AGAP1: variants seen among roughly 807,000 people sequenced by gnomAD.
AGAP1 encodes the protein arf-GAP with GTPase, ANK repeat and PH domain-containing protein 1.
In AGAP1, 29 loss-of-function variants were observed where a neutral mutation model predicts 105.3. That is an observed-to-expected ratio of 0.28 (90% CI 0.21 to 0.38). The LOEUF (loss-of-function observed/expected upper bound fraction) is 0.38, where lower values mean the gene tolerates loss of function less well. AGAP1 is among the 10% of genes least tolerant of loss of function. The pLI, the probability that AGAP1 is intolerant of heterozygous loss-of-function variation, is 1.00. For synonymous variants in AGAP1, 509 were observed against 485.9 expected, an observed-to-expected ratio of 1.05 and a Z score of -0.63; for missense variants, 998 against 1,165.1, an observed-to-expected ratio of 0.86 and a Z score of 2.09.
intron 11 of AGAP1, among the ~76,000 whole-genome samples, chr2:235,926,081 A>G (rs529540221): frequency 6.6e-6 from 1 of 152,354 alleles, no homozygotes; most frequent in Admixed American, 6.5e-5. Flanking sequence ...TAGGGCAGGT[A>G]TTGCTTGATG....
Position 235,678,429 on chromosome 2 carries a change from T to C in AGAP1, c.164-30750T>C, listed in dbSNP as rs113480480. ...AAACTTAAAGGAAAAAGATTGGGGC[T>C]CAGAATTAGGAAGTAATTTCTCACA... On this transcript the variant is annotated intron_variant, in intron 1 of 17. Transcript: ENST00000304032. Among the ~76,000 whole-genome samples, 651 of 152,260 alleles carry C rather than the reference T, an allele frequency of 4.3e-3. 6 individuals carry two copies. Among genetic ancestry groups the C allele is most frequent in the African/African-American group, 0.015 (610 of 41,540 alleles).
intron 1 of AGAP1, among the ~76,000 whole-genome samples, chr2:235,626,575 A>AT (rs1946644951): frequency 6.6e-6 from 1 of 152,106 alleles, no homozygotes; most frequent in African/African-American, 2.4e-5. Flanking sequence ...TTTATAAGTG[A>AT]TTTTTTTCCC....
chr2:235,536,666 CACACACACACA>C (rs1559231744), intron 1 of AGAP1, among the ~76,000 whole-genome samples: 143 of 150,886 alleles, frequency 9.5e-4, no homozygotes, highest in Middle Eastern at 3.7e-3. Context: ...CACACACACA[CACACACACACA>C]CCCCTTGCTT....
chr2:235,781,125 A>G (rs1956235641), intron 6 of AGAP1, among the ~76,000 whole-genome samples: 1 of 152,192 alleles, frequency 6.6e-6, no homozygotes, highest in Non-Finnish European at 1.5e-5. Flanking sequence ...GTCTAAAGTA[A>G]TCTTACAGAC....
In AGAP1 at chr2:236,055,069, T is replaced by C. The variant is rs2058014684; in HGVS notation, c.2114+5788T>C. On this transcript the variant is annotated intron_variant, in intron 16 of 17. Transcript: ENST00000304032. This position sits in a 1 kb window ranked among gnomAD's most constrained non-coding sequence, Gnocchi z 6.2. Reference sequence around the variant, plus strand: ...GTTAAATATGTCCGGCAGCAATTACTGTGACCTCCCGCTTGTCAAGGTCCG... The same window carrying C: ...GTTAAATATGTCCGGCAGCAATTACCGTGACCTCCCGCTTGTCAAGGTCCG... Among the ~76,000 whole-genome samples, 1 of 152,258 alleles carries C rather than the reference T, an allele frequency of 6.6e-6. No individual in the cohort carries two copies. Among genetic ancestry groups the C allele is most frequent in the Non-Finnish European group, 1.5e-5 (1 of 68,052 alleles).
intron 12 of AGAP1, among the ~76,000 whole-genome samples, chr2:235,966,079 T>A (rs2054378813): frequency 8.4e-6 from 1 of 119,138 alleles, no homozygotes; most frequent in Non-Finnish European, 1.7e-5. Context: ...CCTCTGGGGA[T>A]GGAGGAGAGG....
chr2:235,910,268 G>A (rs765374650), intron 11 of AGAP1, among the ~76,000 whole-genome samples: 5 of 152,302 alleles, frequency 3.3e-5, no homozygotes, highest in African/African-American at 7.2e-5. Context: ...GGGTGCTCTT[G>A]CCTGGCCTGC....
chr2:235,511,279 G>C (rs552589964), intron 1 of AGAP1, among the ~76,000 whole-genome samples: 1 of 152,044 alleles, frequency 6.6e-6, no homozygotes, highest in South Asian at 2.1e-4. Context: ...ATTCTGTTTC[G>C]GTGGGAGCTG....
At chr2:235,675,267 G>GC (rs1948673289) in intron 1 of AGAP1, among the ~76,000 whole-genome samples, 1 of 148,726 alleles carries the variant, frequency 6.7e-6, no homozygotes, top group African/African-American at 2.5e-5. Context: ...TCAGCTCACT[G>GC]CAACCTCTGC....
Position 235,663,765 on chromosome 2 carries a change from C to T in AGAP1, c.164-45414C>T, listed in dbSNP as rs986478075. Among the ~76,000 whole-genome samples the T allele has an allele frequency of 6.6e-6, 1 of 152,130 alleles. No homozygotes were observed. The highest frequency in any genetic ancestry group is 2.4e-5 in the African/African-American group (1 of 41,424). On this transcript the variant is annotated intron_variant, in intron 1 of 17. Transcript: ENST00000304032. The surrounding 1 kb of genome is among the most constrained non-coding windows in gnomAD (Gnocchi z 5.4). ...AGGAAGCTCTTAGGAGAATCCAAAT[C>T]CGACTTCCCTGTGCTTTGAGAAGGA...
chr2:235,505,838 C>A (rs1040526821), intron 1 of AGAP1: 1 of 151,638 alleles, frequency 6.6e-6, no homozygotes, highest in Non-Finnish European at 1.5e-5. Flanking sequence ...TGACAGCCCC[C>A]GAGAGCAGGC....
At chr2:235,949,582 G>A (rs138600073) in intron 12 of AGAP1, among the ~76,000 whole-genome samples, 59 of 150,854 alleles carry the variant, frequency 3.9e-4, no homozygotes, top group Middle Eastern at 3.4e-3. Context: ...TAGATTTGCC[G>A]CTTTGGGCAT....
chr2:235,701,107 TTA>T lies in AGAP1; in HGVS notation c.164-8068_164-8067del, dbSNP rs1265460236. Among the ~76,000 whole-genome samples, 1 of 146,870 alleles carries T rather than the reference TTA, an allele frequency of 6.8e-6. No homozygotes were observed. The highest frequency in any genetic ancestry group is 2.5e-5 in the African/African-American group (1 of 40,142). On this transcript the variant is annotated intron_variant, in intron 1 of 17. Coordinates refer to ENST00000304032, the MANE Select transcript of AGAP1 (RefSeq NM_001037131.3). This position sits in a 1 kb window ranked among gnomAD's most constrained non-coding sequence, Gnocchi z 4.1. ...ATATATTATATACTCTATAATATAG[TTA>T]TATGTACATATTATATATTATGTAT... is the stretch of plus-strand genomic sequence containing the variant.
At chr2:235,863,558 T>G (rs1404835454) in intron 9 of AGAP1, among the ~76,000 whole-genome samples, 1 of 152,136 alleles carries the variant, frequency 6.6e-6, no homozygotes, top group Non-Finnish European at 1.5e-5. Context: ...GCCTCCTCTT[T>G]GAGCTAGGGA....
At position 235,879,104 on chromosome 2, in the gene AGAP1, C is replaced by T. The variant is rs2049885798; in HGVS notation, c.1051-4241C>T. ...GAGTGAAGACGGCAGGAGAGCTGGC[C>T]CTGCCACATTCCGTTAGCTAACAAG... On this transcript the variant is annotated intron_variant, in intron 9 of 17. Coordinates refer to ENST00000304032, the MANE Select transcript of AGAP1 (RefSeq NM_001037131.3). This position sits in a 1 kb window ranked among gnomAD's most constrained non-coding sequence, Gnocchi z 5.0. Among the ~76,000 whole-genome samples the T allele has an allele frequency of 6.6e-6, 1 of 152,190 alleles. No homozygotes were observed. The highest frequency in any genetic ancestry group is 1.5e-5 in the Non-Finnish European group (1 of 68,038).
chr2:235,831,049 G>A (rs1220825715), intron 9 of AGAP1, among the ~76,000 whole-genome samples: 1 of 152,100 alleles, frequency 6.6e-6, no homozygotes, highest in Non-Finnish European at 1.5e-5. Context: ...TCACAAGCAT[G>A]ACCCAGGAGC....
chr2:235,681,843 C>CTTTTTTTTTT (rs56934868), intron 1 of AGAP1, among the ~76,000 whole-genome samples: 3 of 78,302 alleles, frequency 3.8e-5, no homozygotes, highest in Non-Finnish European at 2.4e-5. Flanking sequence ...ATTTAGTTTG[C>CTTTTTTTTTT]TTTTTTTTTT....
chr2:236,117,817 T>G (rs1002617144), intron 16 of AGAP1, among the ~76,000 whole-genome samples: 1 of 152,194 alleles, frequency 6.6e-6, no homozygotes, highest in Non-Finnish European at 1.5e-5. Flanking sequence ...CAGAACTGCT[T>G]CTTTTTGTCT....
chr2:236,050,247 G>A lies in AGAP1; in HGVS notation c.2114+966G>A, dbSNP rs73125522. On this transcript the variant is annotated intron_variant, in intron 16 of 17. Coordinates refer to ENST00000304032, the MANE Select transcript of AGAP1 (RefSeq NM_001037131.3). This position sits in a 1 kb window ranked among gnomAD's most constrained non-coding sequence, Gnocchi z 4.0. Reference sequence around the variant, plus strand: ...GCAGAGCAGTAAGAACGTGAGAAGCGTTCGTGGACTTCAGTTCATTAACAC... The same window carrying A: ...GCAGAGCAGTAAGAACGTGAGAAGCATTCGTGGACTTCAGTTCATTAACAC... Among the ~76,000 whole-genome samples the A allele has an allele frequency of 0.015, 2,249 of 152,336 alleles. 26 individuals are homozygous for A. Among genetic ancestry groups the A allele is most frequent in the Non-Finnish European group, 0.023 (1,534 of 68,030 alleles).
Sources: allele counts gnomAD v4.1 joint callset (sites outside exome capture counted in the v4.1 genomes callset), GRCh38; gene constraint gnomAD v4.1.1; non-coding constraint Gnocchi (gnomAD v3.1); transcripts MANE v1.5; gene names NCBI Gene and HGNC (gene_info 2026-07-23, HGNC 2026-07-21).